C5: variants seen among roughly 807,000 people sequenced by gnomAD.
C5 encodes complement C5.
Under a neutral mutation model 218.8 loss-of-function variants are expected in C5, and 140 were observed. That is an observed-to-expected ratio of 0.64 (90% CI 0.56 to 0.74). C5 has a LOEUF of 0.74. Among genes scored for constraint, C5 ranks in the 30% least tolerant of loss-of-function variants. The probability of loss-of-function intolerance (pLI) is 0.00; values close to 1 mark genes in which losing one functional copy is unlikely to be tolerated. For missense variants in C5, 1,700 were observed against 1,969.6 expected (o/e 0.86, Z 2.59); for synonymous variants, 614 against 682.3 (o/e 0.90, Z 1.56).
chr9:121,029,708 T>C (rs2047457158), intron 7 of C5, among the ~76,000 whole-genome samples: 2 of 152,330 alleles, frequency 1.3e-5, no homozygotes, highest in South Asian at 4.1e-4. Flanking sequence ...GCTGACCTTG[T>C]AACTTGCTTT....
At chr9:121,031,600 G>A (rs944476964) in intron 6 of C5, among the ~76,000 whole-genome samples, 9 of 152,072 alleles carry the variant, frequency 5.9e-5, no homozygotes, top group African/African-American at 9.7e-5. Flanking sequence ...CTTGATCAGG[G>A]TTAAAGGCAT....
intron 36 of C5, among the ~76,000 whole-genome samples, chr9:120,962,308 T>C (rs1368738874): frequency 6.6e-6 from 1 of 152,198 alleles, no homozygotes; most frequent in African/African-American, 2.4e-5. Context: ...AGAATATAGA[T>C]GGGCTAGAAG....
chr9:121,015,050 T>C (rs924739892), intron 16 of C5, 149 bp downstream of exon 16: 15 of 608,206 alleles, frequency 2.5e-5, no homozygotes, highest in Non-Finnish European at 3.5e-5. Context: ...TGGATTAATC[T>C]TTCTGAGAGA....
At position 120,960,337 on chromosome 9, in the gene C5, G is replaced by T. The variant is rs1433628456; in HGVS notation, c.4589C>A (p.Ala1530Asp). ...CEGAACKCVE[A>D]DCGQMQEELD... ...TTCTTCCTGCATTTGCCCACAATCAGCTGGATTTTGTGAAAATTGGTAAAA... is the reference window on the plus strand; with the variant it reads ...TTCTTCCTGCATTTGCCCACAATCATCTGGATTTTGTGAAAATTGGTAAAA... Residue 1530 changes from alanine to aspartate, a missense_variant and splice_region_variant, in exon 38 of 41, where the codon GCT becomes GAT. Transcript: ENST00000223642. 1 of 1,609,292 alleles carries T rather than the reference G, an allele frequency of 6.2e-7. No homozygotes were observed. The highest frequency in any genetic ancestry group is 1.7e-5 in the Admixed American group (1 of 60,010).
intron 20 of C5, among the ~76,000 whole-genome samples, chr9:120,998,215 G>T (rs1488277820): frequency 1.3e-5 from 2 of 152,188 alleles, no homozygotes; most frequent in Non-Finnish European, 2.9e-5. Flanking sequence ...AGGCACAGAA[G>T]AAAGTTCATT....
At position 121,008,489 on chromosome 9, in the gene C5, G is replaced by C; in HGVS notation, c.2267C>G (p.Thr756Ser). 4 of 1,611,536 alleles carry C rather than the reference G, an allele frequency of 2.5e-6. No individual in the cohort carries two copies. Among genetic ancestry groups the C allele is most frequent in the Non-Finnish European group, 3.4e-6 (4 of 1,177,798 alleles). The change falls in exon 18 of 41, where the codon ACC (threonine) becomes AGC (serine). Residue 756 changes from threonine (T) to serine (S), a missense_variant. By Grantham distance (58) the Thr-to-Ser change is moderately conservative. Coordinates refer to ENST00000223642, the MANE Select transcript of C5 (RefSeq NM_001735.3). ...TTCTGGCTTGCTTACTGGTAACAGG[G>C]TCTTCATGTCTGGACAAAAAAATCA... ...DMQLGRLHMK[T>S]LLPVSKPEIR...
intron 4 of C5, 73 bp from the exon 5 acceptor site, chr9:121,034,967 T>G (rs1034968840): frequency 5.6e-6 from 4 of 719,338 alleles, no homozygotes; most frequent in African/African-American, 5.4e-5. Context: ...ATACAATCTT[T>G]GATGTACAAA....
intron 33 of C5, among the ~76,000 whole-genome samples, chr9:120,966,007 A>G (rs967315146): frequency 2.0e-5 from 3 of 152,238 alleles, no homozygotes; most frequent in Admixed American, 1.3e-4. Flanking sequence ...GAGGTTGTAA[A>G]AAGGTAAATA....
chr9:120,982,383 T>C (rs2047001234), intron 26 of C5, among the ~76,000 whole-genome samples: 2 of 152,224 alleles, frequency 1.3e-5, no homozygotes, highest in Admixed American at 1.3e-4. Flanking sequence ...GCCCTGGGTC[T>C]ATCTCGCTTG....
chr9:121,021,417 A>G, intron 11 of C5, 92 bp downstream of exon 11: 1 of 1,011,642 alleles, frequency 9.9e-7, no homozygotes. Context: ...ACTCATGTGT[A>G]AAATCTGCCG....
At chr9:120,960,188 CTG>C in intron 38 of C5, 58 bp downstream of exon 38, 1 of 1,069,068 alleles carries the variant, frequency 9.4e-7, no homozygotes, top group Admixed American at 1.7e-5. Flanking sequence ...ATCTTTCTAA[CTG>C]AACACATATT....
chr9:120,990,068 G>A (rs2047065803), intron 23 of C5, among the ~76,000 whole-genome samples: 1 of 152,116 alleles, frequency 6.6e-6, no homozygotes, highest in African/African-American at 2.4e-5. Flanking sequence ...CATTCAACCT[G>A]TTAGCTTTAG....
chr9:121,033,535 C>T (rs2047496176), intron 5 of C5, among the ~76,000 whole-genome samples: 1 of 152,234 alleles, frequency 6.6e-6, no homozygotes, highest in South Asian at 2.1e-4. Context: ...AAGCACTGGA[C>T]ATGCCAGACC....
intron 10 of C5, among the ~76,000 whole-genome samples, chr9:121,022,436 G>C (rs1217749893): frequency 1.4e-5 from 2 of 147,818 alleles, no homozygotes; most frequent in African/African-American, 2.5e-5. Flanking sequence ...ATATATTACT[G>C]TATATGCATT....
chr9:120,995,405 A>T lies in C5; in HGVS notation c.2851+835T>A, dbSNP rs1251191818. Among the ~76,000 whole-genome samples the T allele has an allele frequency of 2.0e-5, 3 of 152,166 alleles. No homozygotes were observed. The East Asian group carries it at 5.8e-4, about 29-fold the overall frequency. On this transcript the variant is annotated intron_variant, in intron 22 of 40. Transcript: ENST00000223642. ...AACTGGCCACATCCTAAATTTCATA[A>T]ATACATGTATATGTATTTAGGCCTT... is the stretch of plus-strand genomic sequence containing the variant.
At chr9:121,023,930 G>A (rs757138468) in intron 9 of C5, among the ~76,000 whole-genome samples, 11 of 151,588 alleles carry the variant, frequency 7.3e-5, no homozygotes, top group Non-Finnish European at 1.6e-4. Flanking sequence ...GGGGGTTGGT[G>A]TTCACAGAGC....
At chr9:121,067,742 G>A in the C5 span, among the ~76,000 whole-genome samples, 1 of 151,950 alleles carries the variant, frequency 6.6e-6, no homozygotes, top group Non-Finnish European at 1.5e-5. Context: ...CTTACCATAG[G>A]GAGTAAGTTC....
At chr9:121,049,069 A>G (rs959205656) in intron 1 of C5, among the ~76,000 whole-genome samples, 1 of 152,138 alleles carries the variant, frequency 6.6e-6, no homozygotes, top group African/African-American at 2.4e-5. Flanking sequence ...ACCGTTTGCT[A>G]TATCTGCAGT....
intron 20 of C5, chr9:120,999,962 G>A (rs2047146651): frequency 4.5e-6 from 2 of 444,532 alleles, no homozygotes; most frequent in Admixed American, 4.9e-5. Flanking sequence ...GGGAGGCTGA[G>A]GCAGGAGAAT....
Sources: gnomAD v4.1 joint callset for allele counts (sites outside exome capture counted in the v4.1 genomes callset) on GRCh38, gnomAD v4.1.1 for gene constraint, MANE v1.5 for transcripts, NCBI Gene and HGNC (gene_info 2026-07-23, HGNC 2026-07-21) for gene names.